Variants in EPS15L1 observed in about 807,000 individuals in gnomAD.
EPS15L1 encodes epidermal growth factor receptor pathway substrate 15 like 1.
EPS15L1 carries 43 observed loss-of-function variants against 117.1 expected under a neutral mutation model. The observed-to-expected ratio is 0.37, with a 90% CI of 0.29 to 0.47. The LOEUF (loss-of-function observed/expected upper bound fraction) is 0.47. Ranked by LOEUF, EPS15L1 falls within the 20% of genes least tolerant of loss-of-function variation. The pLI, the probability that EPS15L1 is intolerant of heterozygous loss-of-function variation, is 0.99. For missense variants in EPS15L1, 981 were observed against 1,164.0 expected, an observed-to-expected ratio of 0.84 and a Z score of 2.29; for synonymous variants, 459 against 470.5, an observed-to-expected ratio of 0.98 and a Z score of 0.32.
Position 16,425,134 on chromosome 19 carries a change from G to A in EPS15L1, c.741C>T (p.Ser247=). The A allele has an allele frequency of 6.2e-7, 1 of 1,614,162 alleles. No individual in the cohort carries two copies. The highest frequency in any genetic ancestry group is 8.5e-7 in the Non-Finnish European group (1 of 1,180,022). ...GGGACAGGCTCCCTGTGCTGTTGAG[G>A]CTGCTGACGCTGCCGTGGGACGGCG... The part of the protein sequence containing the change: ...RSTPSHGSVS[S]LNSTGSLSPK... Residue 247 remains serine, a synonymous_variant, in exon 9 of 24, where the codon AGC becomes AGT. Transcript: ENST00000455140.
At position 16,428,769 on chromosome 19, in the gene EPS15L1, G is replaced by A. The variant is rs373545811; in HGVS notation, c.499-8C>T. On this transcript the variant is annotated splice_polypyrimidine_tract_variant and splice_region_variant and intron_variant, in intron 7 of 23. Coordinates refer to ENST00000455140, the MANE Select transcript of EPS15L1 (RefSeq NM_001258374.3). ...GTCACTGAGGTCCCAGACCTGCAAGGGAGAGACCAGCATGGGTAACTGTGG... is the reference window on the plus strand; with the variant it reads ...GTCACTGAGGTCCCAGACCTGCAAGAGAGAGACCAGCATGGGTAACTGTGG... 25 of 1,606,804 alleles carry A rather than the reference G, an allele frequency of 1.6e-5. No homozygotes were observed. The African/African-American group carries it at 3.3e-4, about 21-fold the overall frequency.
intron 23 of EPS15L1, among the ~76,000 whole-genome samples, chr19:16,359,637 G>A (rs1037736415): frequency 6.6e-6 from 1 of 152,176 alleles, no homozygotes; most frequent in Admixed American, 6.5e-5. Flanking sequence ...GAGGCAGAAG[G>A]ATCATTTGAG....
chr19:16,448,760 G>A (rs1457751238), intron 1 of EPS15L1, among the ~76,000 whole-genome samples: 1 of 151,868 alleles, frequency 6.6e-6, no homozygotes, highest in Non-Finnish European at 1.5e-5. Flanking sequence ...AACCCAGCGG[G>A]CAGAGGCTGC....
At chr19:16,462,294 T>TG (rs963370546) in intron 1 of EPS15L1, among the ~76,000 whole-genome samples, 1 of 152,028 alleles carries the variant, frequency 6.6e-6, no homozygotes, top group African/African-American at 2.4e-5. Context: ...CACTCACTGG[T>TG]GAGGGCAGTC....
rs1430447864 is a variant in EPS15L1, at chr19:16,471,529, G to C, written c.33+384C>G. Among the ~76,000 whole-genome samples, 1 of 152,062 alleles carries C rather than the reference G, an allele frequency of 6.6e-6. No individual in the cohort carries two copies. The highest frequency in any genetic ancestry group is 6.5e-5 in the Admixed American group (1 of 15,286). On this transcript the variant is annotated intron_variant, in intron 1 of 23. Transcript: ENST00000455140. This position sits in a 1 kb window ranked among gnomAD's most constrained non-coding sequence, Gnocchi z 4.8. ...CCCTGCCCGCCCGGGCGCCGGGACC[G>C]GAGGGAGACAAAGACTCGCTGGGCC...
chr19:16,466,139 C>T (rs1296822863), intron 1 of EPS15L1, among the ~76,000 whole-genome samples: 1 of 152,204 alleles, frequency 6.6e-6, no homozygotes, highest in Admixed American at 6.5e-5. Context: ...CAGGCATGTG[C>T]CACCACGCCT....
chr19:16,414,543 G>C (rs2092738903), intron 12 of EPS15L1, among the ~76,000 whole-genome samples: 1 of 151,974 alleles, frequency 6.6e-6, no homozygotes, highest in Admixed American at 6.6e-5. Context: ...TGGGACTACA[G>C]GCACGTGCCA....
chr19:16,398,681 A>C (rs2092565294), intron 16 of EPS15L1, among the ~76,000 whole-genome samples: 1 of 152,186 alleles, frequency 6.6e-6, no homozygotes, highest in Admixed American at 6.5e-5. Flanking sequence ...GGATCTCACT[A>C]CGTTGCCCAG....
intron 1 of EPS15L1, among the ~76,000 whole-genome samples, chr19:16,461,630 G>C (rs1438663230): frequency 6.6e-6 from 1 of 151,864 alleles, no homozygotes; most frequent in African/African-American, 2.4e-5. Context: ...TCAAAAAAAA[G>C]AAAGAAAGAA....
intron 16 of EPS15L1, 89 bp downstream of exon 16, chr19:16,402,232 G>T: frequency 6.7e-7 from 1 of 1,483,420 alleles, no homozygotes. Context: ...AACCAACGTT[G>T]GCCATGAACA....
At chr19:16,415,196 G>C (rs752288809) in intron 12 of EPS15L1, among the ~76,000 whole-genome samples, 33 of 152,156 alleles carry the variant, frequency 2.2e-4, no homozygotes, top group Admixed American at 1.9e-3. Context: ...GTGAGGACAC[G>C]GCAAGAAGGT....
intron 1 of EPS15L1, among the ~76,000 whole-genome samples, chr19:16,449,640 G>A (rs149317909): frequency 1.3e-3 from 196 of 152,246 alleles, no homozygotes; most frequent in East Asian, 0.013. Context: ...ACCAGCAACT[G>A]TCCTGGGCAT....
intron 21 of EPS15L1, among the ~76,000 whole-genome samples, chr19:16,384,712 C>T (rs972189849): frequency 6.6e-6 from 1 of 152,162 alleles, no homozygotes; most frequent in African/African-American, 2.4e-5. Context: ...TTCAACACCC[C>T]TTGAGAGTTC....
At chr19:16,406,302 A>C (rs1410579752) in intron 13 of EPS15L1, among the ~76,000 whole-genome samples, 1 of 152,198 alleles carries the variant, frequency 6.6e-6, no homozygotes, top group African/African-American at 2.4e-5. Context: ...TGGAGGGGAC[A>C]ATCAGGGTCA....
intron 1 of EPS15L1, among the ~76,000 whole-genome samples, chr19:16,459,185 T>C (rs944112313): frequency 3.9e-5 from 6 of 152,208 alleles, no homozygotes; most frequent in Non-Finnish European, 7.3e-5. Context: ...GGTTATGCGG[T>C]GCGTGACTGC....
intron 16 of EPS15L1, among the ~76,000 whole-genome samples, chr19:16,397,441 A>T (rs2092552302): frequency 6.6e-6 from 1 of 152,140 alleles, no homozygotes; most frequent in African/African-American, 2.4e-5. Context: ...TCAATGAGTC[A>T]GAAAAAAATA....
At chr19:16,368,554 A>G (rs1009225392) in intron 22 of EPS15L1, among the ~76,000 whole-genome samples, 4 of 151,836 alleles carry the variant, frequency 2.6e-5, no homozygotes, top group African/African-American at 9.7e-5. Context: ...ATCCTGCACA[A>G]CATGCACACC....
At position 16,405,319 on chromosome 19, in the gene EPS15L1, T is replaced by TGCACCCCACAGGCC. The variant is rs2092645406; in HGVS notation, c.1267-584_1267-571dup. ...GGGAATGGGTGGAGGCATCAGAGGC[T>TGCACCCCACAGGCC]GCACCCCACAGGCCACGCCAAGGAG... On this transcript the variant is annotated intron_variant, in intron 13 of 23. Transcript: ENST00000455140. The surrounding 1 kb of genome is among the most constrained non-coding windows in gnomAD (Gnocchi z 4.0). 6.6e-6 allele frequency among the ~76,000 whole-genome samples: 1 copy of TGCACCCCACAGGCC among 152,106 alleles called. No individual in the cohort carries two copies. The highest frequency in any genetic ancestry group is 1.5e-5 in the Non-Finnish European group (1 of 68,006).
intron 9 of EPS15L1, 151 bp from the exon 10 acceptor site, chr19:16,421,627 C>T (rs773839528): frequency 3.4e-5 from 28 of 825,412 alleles, no homozygotes; most frequent in South Asian, 1.7e-4. Flanking sequence ...AGATGTGATC[C>T]TTGTTCTGTA....
Sources: allele counts gnomAD v4.1 joint callset (sites outside exome capture counted in the v4.1 genomes callset), GRCh38; gene constraint gnomAD v4.1.1; non-coding constraint Gnocchi (gnomAD v3.1); transcripts MANE v1.5; gene names NCBI Gene and HGNC (gene_info 2026-07-23, HGNC 2026-07-21).